The following ACAD8 variants were observed in gnomAD, a reference collection of about 807,000 sequenced individuals.
ACAD8 encodes isobutyryl-CoA dehydrogenase, mitochondrial.
Under a neutral mutation model 53.1 loss-of-function variants are expected in ACAD8, and 47 were observed. The observed-to-expected ratio is 0.89, with a 90% CI of 0.70 to 1.13. The LOEUF is 1.13. ACAD8 is among the 50% of genes most tolerant of loss of function. The pLI, the probability that ACAD8 is intolerant of heterozygous loss-of-function variation, is 0.00. For synonymous variants in ACAD8, 198 were observed against 201.3 expected (o/e 0.98, Z 0.14); for missense variants, 494 against 535.0 (o/e 0.92, Z 0.76).
At chr11:134,259,494 A>G in intron 5 of ACAD8, 114 bp from the exon 6 acceptor site, 1 of 1,021,054 alleles carries the variant, frequency 9.8e-7, no homozygotes, top group East Asian at 2.4e-5. Flanking sequence ...ATTGGACCTT[A>G]TTGTCAGTCT....
At chr11:134,257,329 A>G (rs112141806) in intron 3 of ACAD8, 72 bp downstream of exon 3, 12 of 1,571,724 alleles carry the variant, frequency 7.6e-6, no homozygotes, top group African/African-American at 4.0e-5. Flanking sequence ...GATTCGTAGG[A>G]AAAAGATTGA....
At chr11:134,264,125 G>T (rs111609790) in intron 10 of ACAD8, 8 of 887,174 alleles carry the variant, frequency 9.0e-6, no homozygotes, top group Admixed American at 6.2e-5. Context: ...CGGGTGGATC[G>T]CGTGAGGCCA....
In ACAD8 at chr11:134,261,176, A is replaced by G. The variant is rs755402140; in HGVS notation, c.838A>G (p.Ile280Val). The G allele has an allele frequency of 1.2e-6, 2 of 1,613,428 alleles. No individual in the cohort carries two copies. The highest frequency in any genetic ancestry group is 1.3e-5 in the African/African-American group (1 of 74,902). The change falls in exon 7 of 11, where the codon ATT (isoleucine) becomes GTT (valine). Residue 280 changes from isoleucine to valine, a missense_variant. Ile to Val is a conservative substitution (Grantham distance 29). Transcript: ENST00000281182. The surrounding 1 kb of genome is among the most constrained non-coding windows in gnomAD (Gnocchi z 4.2). Reference sequence around the variant, plus strand: ...AGGACTGAACGGAGGGAGGATCAATATTGGTGAGATACGCAGGGGTGTGGC... The same window carrying G: ...AGGACTGAACGGAGGGAGGATCAATGTTGGTGAGATACGCAGGGGTGTGGC... ...VRGLNGGRIN[I>V]ASCSLGAAHA...
intron 10 of ACAD8, chr11:134,263,213 G>C (rs376801120): frequency 9.9e-7 from 1 of 1,007,340 alleles, no homozygotes; most frequent in South Asian, 4.0e-5. Flanking sequence ...CGGAAGTCTT[G>C]AAATGACACG....
At chr11:134,258,836 G>A (rs1939704928) in intron 4 of ACAD8, 172 bp from the exon 5 acceptor site, 1 of 747,654 alleles carries the variant, frequency 1.3e-6, no homozygotes, top group African/African-American at 1.7e-5. Context: ...TGACTGGTAT[G>A]AGCAGTTTCC....
intron 1 of ACAD8, among the ~76,000 whole-genome samples, chr11:134,255,411 C>T (rs1939468532): frequency 6.6e-6 from 1 of 152,224 alleles, no homozygotes; most frequent in African/African-American, 2.4e-5. Flanking sequence ...TCTGGGATTA[C>T]AGGCATGAGC....
chr11:134,254,363 C>T (rs1939349024), intron 1 of ACAD8, among the ~76,000 whole-genome samples: 2 of 152,162 alleles, frequency 1.3e-5, no homozygotes, highest in South Asian at 2.1e-4. Context: ...GGAAACTCTA[C>T]CAGAGCTGAC....
intron 1 of ACAD8, among the ~76,000 whole-genome samples, chr11:134,255,164 T>G (rs754973997): frequency 5.3e-5 from 8 of 151,982 alleles, no homozygotes; most frequent in Non-Finnish European, 7.4e-5. Flanking sequence ...TGAGATGGAG[T>G]CTCTTTCTGT....
At chr11:134,254,546 C>T (rs1939363847) in intron 1 of ACAD8, among the ~76,000 whole-genome samples, 1 of 151,946 alleles carries the variant, frequency 6.6e-6, no homozygotes, top group Admixed American at 6.6e-5. Flanking sequence ...AGAATAAGTC[C>T]CTTAGATATC....
At position 134,259,730 on chromosome 11, in the gene ACAD8, C is replaced by T. The variant is rs771345382; in HGVS notation, c.690C>T (p.Gly230=). 6.2e-7 allele frequency: 1 copy of T among 1,614,156 alleles called. No homozygotes were observed. Among genetic ancestry groups the T allele is most frequent in the Non-Finnish European group, 8.5e-7 (1 of 1,180,030 alleles). ...VEKGTPGLSF[G]KKEKKVGWNS... ...AGGGGACCCCTGGCCTCAGCTTTGG[C>T]AAGAAGGAGAAAAAGGTGAGTGGCT... is the stretch of plus-strand genomic sequence containing the variant. The change falls in exon 6 of 11, where the codon GGC becomes GGT. Residue 230 remains glycine (G), a synonymous_variant. Transcript: ENST00000281182.
At chr11:134,263,922 T>C in intron 10 of ACAD8, 1 of 985,444 alleles carries the variant, frequency 1.0e-6, no homozygotes, top group Non-Finnish European at 1.2e-6. Flanking sequence ...TCTTTTTGCA[T>C]TAAAGGCCAC....
chr11:134,258,878 G>C, intron 4 of ACAD8, 130 bp from the exon 5 acceptor site: 1 of 880,398 alleles, frequency 1.1e-6, no homozygotes. Flanking sequence ...TGGCCACTTG[G>C]GTTTTGCAGT....
intron 1 of ACAD8, 53 bp downstream of exon 1, chr11:134,253,762 T>C (rs1939270196): frequency 1.3e-6 from 2 of 1,514,740 alleles, no homozygotes; most frequent in Non-Finnish European, 1.8e-6. Flanking sequence ...CCGGCGGACA[T>C]ATGTCCGCGA....
In ACAD8 at chr11:134,259,074, A is replaced by T. The variant is rs200170162; in HGVS notation, c.557A>T (p.Asn186Ile). The change falls in exon 5 of 11, where the codon AAT becomes ATT. Residue 186 changes from asparagine to isoleucine, a missense_variant. Coordinates refer to ENST00000281182, the MANE Select transcript of ACAD8 (RefSeq NM_014384.3). The part of the protein sequence containing the change: ...AKKQGDHYIL[N>I]GSKAFISGAG... ...AAACAGGGAGATCATTACATCCTCA[A>T]TGGCTCCAAGGTACTAGCGTGCGTC... 6.2e-7 allele frequency: 1 copy of T among 1,614,090 alleles called. No individual in the cohort carries two copies. Among genetic ancestry groups the T allele is most frequent in the East Asian group, 2.2e-5 (1 of 44,874 alleles).
Position 134,259,032 on chromosome 11 carries a change from T to C in ACAD8, c.515T>C (p.Leu172Pro). The C allele has an allele frequency of 6.2e-7, 1 of 1,614,168 alleles. No homozygotes were observed. Among genetic ancestry groups the C allele is most frequent in the Non-Finnish European group, 8.5e-7 (1 of 1,180,028 alleles). Residue 172 changes from leucine to proline, a missense_variant, in exon 5 of 11, where the codon CTT (leucine) becomes CCT (proline). Leu to Pro is a moderately conservative substitution (Grantham distance 98). Coordinates refer to ENST00000281182, the MANE Select transcript of ACAD8 (RefSeq NM_014384.3). ...EPGSGSDAAS[L>P]LTSAKKQGDH... ...GGAAGTGGGAGTGATGCTGCCTCTC[T>C]TCTGACCTCCGCTAAGAAACAGGGA...
At position 134,257,169 on chromosome 11, in the gene ACAD8, T is replaced by C. The variant is rs773978651; in HGVS notation, c.292T>C (p.Ser98Pro). ...CTACATACAAACAGATGTGGGCGGGTCTGGGCTGTCACGTCTTGATACCTC... is the reference window on the plus strand; with the variant it reads ...CTACATACAAACAGATGTGGGCGGGCCTGGGCTGTCACGTCTTGATACCTC... ...GVYIQTDVGG[S>P]GLSRLDTSVI... The change falls in exon 3 of 11, where the codon TCT (serine) becomes CCT (proline). Residue 98 changes from serine (S) to proline (P), a missense_variant. Coordinates refer to ENST00000281182, the MANE Select transcript of ACAD8 (RefSeq NM_014384.3). The C allele has an allele frequency of 6.2e-6, 10 of 1,613,862 alleles. No homozygotes were observed. In the South Asian group the frequency reaches 6.6e-5, roughly 11 times the overall value.
rs1293619651 is a variant in ACAD8 at position 134,261,995 on chromosome 11, C to T, written c.1092+105C>T. The T allele has an allele frequency of 4.6e-5, 61 of 1,325,932 alleles. No homozygotes were observed. The highest frequency in any genetic ancestry group is 6.3e-5 in the Non-Finnish European group (60 of 944,904). The allele number at this position is 1,325,932 out of a possible 1,614,324, so 82.1% of individuals were successfully genotyped here. On this transcript the variant is annotated intron_variant, in intron 9 of 10. Coordinates refer to ENST00000281182, the MANE Select transcript of ACAD8 (RefSeq NM_014384.3). The surrounding 1 kb of genome is among the most constrained non-coding windows in gnomAD (Gnocchi z 4.2). ...TTTGGAACCCAGCCCTCCTGGAATC[C>T]CACAAGGATCACCTTAAGCTTAAGG...
intron 10 of ACAD8, 77 bp from the exon 11 acceptor site, chr11:134,264,831 G>A: frequency 1.5e-6 from 2 of 1,318,788 alleles, no homozygotes; most frequent in Non-Finnish European, 2.2e-6. Context: ...ACTAGGCCTG[G>A]AGCAGCCTGG....
At chr11:134,255,637 G>A (rs1314928847) in intron 1 of ACAD8, among the ~76,000 whole-genome samples, 1 of 152,190 alleles carries the variant, frequency 6.6e-6, no homozygotes, top group Non-Finnish European at 1.5e-5. Context: ...CCCAACATAG[G>A]TTTCTGCTCT....
Sources: gnomAD v4.1 joint callset for allele counts (sites outside exome capture counted in the v4.1 genomes callset) on GRCh38, gnomAD v4.1.1 for gene constraint, Gnocchi (gnomAD v3.1) non-coding constraint, MANE v1.5 for transcripts, NCBI Gene and HGNC (gene_info 2026-07-23, HGNC 2026-07-21) for gene names.